NKAIN1: variants seen among roughly 807,000 people sequenced by gnomAD.
NKAIN1 encodes sodium/potassium-transporting ATPase subunit beta-1-interacting protein 1.
Under a neutral mutation model 31.6 loss-of-function variants are expected in NKAIN1, and 13 were observed. The ratio of observed to expected loss-of-function variants is 0.41; its 90% CI spans 0.27 to 0.65. NKAIN1 has a LOEUF of 0.65. NKAIN1 is among the 30% of genes least tolerant of loss of function. The probability of loss-of-function intolerance (pLI) is 0.30; values close to 1 mark genes in which losing one functional copy is unlikely to be tolerated. For missense variants in NKAIN1, 193 were observed against 262.2 expected (o/e 0.74, Z 1.82); for synonymous variants, 104 against 109.0 (o/e 0.95, Z 0.28).
At chr1:31,200,080 C>T (rs529689723) in intron 1 of NKAIN1, among the ~76,000 whole-genome samples, 13 of 152,256 alleles carry the variant, frequency 8.5e-5, no homozygotes, top group Admixed American at 1.3e-4. Context: ...CGAACACATG[C>T]GCGCACACGC....
intron 1 of NKAIN1, among the ~76,000 whole-genome samples, chr1:31,217,593 A>G (rs1160466928): frequency 6.6e-6 from 1 of 152,210 alleles, no homozygotes; most frequent in East Asian, 1.9e-4. Context: ...CTTGCCCATA[A>G]TTGGGCAGAG....
In NKAIN1 at chr1:31,185,799, G is replaced by A. The variant is rs145055641; in HGVS notation, c.193-472C>T. On this transcript the variant is annotated intron_variant, in intron 2 of 6. Coordinates refer to ENST00000373736, the MANE Select transcript of NKAIN1 (RefSeq NM_024522.3). ...AAGGGATTGCTTAAGCAATCCCTAG[G>A]AGATTGTGACTCAGATGACACTTTC... 1.4e-3 allele frequency among the ~76,000 whole-genome samples: 213 copies of A among 152,266 alleles called. 2 individuals carry two copies. Among genetic ancestry groups the A allele is most frequent in the African/African-American group, 4.8e-3 (201 of 41,560 alleles).
At chr1:31,232,470 G>GAGAGAGAGAGAGAGAT (rs1645661762) in intron 1 of NKAIN1, among the ~76,000 whole-genome samples, 1 of 127,116 alleles carries the variant, frequency 7.9e-6, no homozygotes, top group African/African-American at 3.0e-5. Context: ...GAGAGAGAGA[G>GAGAGAGAGAGAGAGAT]AGTGGGGGAG....
chr1:31,198,449 T>C (rs1645347936), intron 1 of NKAIN1, among the ~76,000 whole-genome samples: 1 of 152,200 alleles, frequency 6.6e-6, no homozygotes, highest in South Asian at 2.1e-4. Context: ...TCCAGCCGCT[T>C]GAGCTAGGAA....
rs1489341232 is a variant in NKAIN1, at chr1:31,181,427, G to A, written c.*276C>T. The stretch of plus-strand genomic sequence containing the variant: ...AGGCCCCAGCTCACGCCAAGGCTGA[G>A]ATTAAAAACAAACAAACAAAAAACA... On this transcript the variant is annotated 3_prime_UTR_variant, in exon 7 of 7. Coordinates refer to ENST00000373736, the MANE Select transcript of NKAIN1 (RefSeq NM_024522.3). 38 of 386,730 alleles carry A rather than the reference G, an allele frequency of 9.8e-5. No individual in the cohort carries two copies. Among genetic ancestry groups the A allele is most frequent in the Non-Finnish European group, 2.7e-5 (6 of 218,502 alleles). The allele number at this position is 386,730 out of a possible 1,614,324, so 24.0% of individuals were successfully genotyped here. A position where few individuals can be genotyped will look rare whatever the true frequency, so the allele number is the denominator to read the frequency against.
At chr1:31,229,163 C>T (rs1645628878) in intron 1 of NKAIN1, among the ~76,000 whole-genome samples, 1 of 152,202 alleles carries the variant, frequency 6.6e-6, no homozygotes, top group African/African-American at 2.4e-5. Context: ...TAGAATCATG[C>T]ATGGCAGTTT....
At chr1:31,184,145 C>T in intron 3 of NKAIN1, 131 bp from the exon 4 acceptor site, 1 of 706,944 alleles carries the variant, frequency 1.4e-6, no homozygotes, top group South Asian at 2.0e-5. Flanking sequence ...CATATTTGAC[C>T]AACAGGTGGC....
chr1:31,223,498 G>A (rs917380425), intron 1 of NKAIN1, among the ~76,000 whole-genome samples: 1 of 152,092 alleles, frequency 6.6e-6, no homozygotes, highest in African/African-American at 2.4e-5. Context: ...TGGATGGAGT[G>A]CAGTGGCGCG....
intron 1 of NKAIN1, among the ~76,000 whole-genome samples, chr1:31,238,785 G>T (rs1006806142): frequency 3.9e-5 from 6 of 152,308 alleles, no homozygotes; most frequent in Middle Eastern, 3.4e-3. Flanking sequence ...AAAGCAGGAA[G>T]TGTGGTCCAG....
At chr1:31,189,222 G>T (rs1450174360) in intron 1 of NKAIN1, among the ~76,000 whole-genome samples, 1 of 151,944 alleles carries the variant, frequency 6.6e-6, no homozygotes, top group Admixed American at 6.6e-5. Flanking sequence ...GTCACTAGCT[G>T]ACCACAGACA....
intron 1 of NKAIN1, among the ~76,000 whole-genome samples, chr1:31,234,761 T>C (rs918906807): frequency 2.0e-5 from 3 of 152,064 alleles, no homozygotes; most frequent in African/African-American, 7.2e-5. Context: ...CATTTTCAGA[T>C]GAGGAAACGC....
intron 1 of NKAIN1, among the ~76,000 whole-genome samples, chr1:31,218,257 T>G (rs1254930540): frequency 6.6e-6 from 1 of 151,790 alleles, no homozygotes; most frequent in Non-Finnish European, 1.5e-5. Context: ...GAGATGGGGA[T>G]TTCAACATGT....
intron 1 of NKAIN1, among the ~76,000 whole-genome samples, chr1:31,204,646 C>T (rs74063692): frequency 0.04 from 6,115 of 152,248 alleles, 337 homozygotes; most frequent in African/African-American, 0.12. Flanking sequence ...GAGACGCCGG[C>T]TGCAGATAAA....
intron 1 of NKAIN1, among the ~76,000 whole-genome samples, chr1:31,191,274 G>C (rs1417622403): frequency 6.8e-6 from 1 of 147,766 alleles, no homozygotes; most frequent in African/African-American, 2.5e-5. Context: ...CTAGGTGACA[G>C]AGCAAGACTC....
intron 1 of NKAIN1, among the ~76,000 whole-genome samples, chr1:31,195,324 G>T (rs931646763): frequency 2.0e-5 from 3 of 151,442 alleles, no homozygotes; most frequent in African/African-American, 7.3e-5. Flanking sequence ...GTTTCACCAT[G>T]TTGGCCAGGC....
intron 1 of NKAIN1, among the ~76,000 whole-genome samples, chr1:31,218,070 T>TTCTTTCTTTCTTTCTG (rs1350943103): frequency 7.1e-6 from 1 of 140,554 alleles, no homozygotes; most frequent in Non-Finnish European, 1.5e-5. Context: ...CTTTCTTTCT[T>TTCTTTCTTTCTTTCTG]TTTTTTTTTT....
chr1:31,223,462 A>ACGGAGTCT (rs1645579153), intron 1 of NKAIN1, among the ~76,000 whole-genome samples: 1 of 151,492 alleles, frequency 6.6e-6, no homozygotes, highest in Non-Finnish European at 1.5e-5. Flanking sequence ...TGTTTTTGAG[A>ACGGAGTCT]CGGAGTCTCG....
rs1450873587 is a variant in NKAIN1 at position 31,181,642 on chromosome 1, C to G, written c.*61G>C. ...AGGGGGACACGCCTGCGCCTTGGCC[C>G]GAGCTCGCGGCAGCTGCGGTCAGCC... On this transcript the variant is annotated 3_prime_UTR_variant, in exon 7 of 7. Transcript: ENST00000373736. 6 of 1,422,758 alleles carry G rather than the reference C, an allele frequency of 4.2e-6. No individual in the cohort carries two copies. The highest frequency in any genetic ancestry group is 1.5e-5 in the African/African-American group (1 of 68,780). 88.1% of individuals were successfully genotyped at this position (1,422,758 alleles called of 1,614,324 possible). A position where few individuals can be genotyped will look rare whatever the true frequency, so the allele number is the denominator to read the frequency against.
intron 1 of NKAIN1, among the ~76,000 whole-genome samples, chr1:31,189,220 C>T (rs1250081214): frequency 6.6e-6 from 1 of 152,086 alleles, no homozygotes; most frequent in Admixed American, 6.6e-5. Context: ...GGGTCACTAG[C>T]TGACCACAGA....
Sources: gnomAD v4.1 joint callset for allele counts (sites outside exome capture counted in the v4.1 genomes callset) on GRCh38, gnomAD v4.1.1 for gene constraint, MANE v1.5 for transcripts, NCBI Gene and HGNC (gene_info 2026-07-23, HGNC 2026-07-21) for gene names.